Variants in ANKRD36C observed in about 807,000 individuals in gnomAD.
The protein encoded by ANKRD36C is ankyrin repeat domain 36C, also known as ankyrin repeat domain-containing protein 36C.
In ANKRD36C, 61 loss-of-function variants were observed where a neutral mutation model predicts 276.4. The ratio of observed to expected loss-of-function variants is 0.22; its 90% confidence interval spans 0.18 to 0.27. ANKRD36C has a LOEUF of 0.27. ANKRD36C is among the 10% of genes least tolerant of loss of function. The probability of loss-of-function intolerance (pLI) is 1.00; values close to 1 mark genes in which losing one functional copy is unlikely to be tolerated. For missense variants in ANKRD36C, 1,447 were observed against 2,032.3 expected (o/e 0.71, Z 5.54); for synonymous variants, 483 against 680.1 (o/e 0.71, Z 4.51).
At chr2:95,960,187 A>G (rs933014456) in intron 10 of ANKRD36C, among the ~76,000 whole-genome samples, 1 of 152,050 alleles carries the variant, frequency 6.6e-6, no homozygotes, top group Non-Finnish European at 1.5e-5. Context: ...ATGCTGTAGA[A>G]TTAAAGCAAA....
intron 60 of ANKRD36C, among the ~76,000 whole-genome samples, chr2:95,864,930 T>C (rs1192784555): frequency 1.3e-5 from 2 of 152,068 alleles, no homozygotes; most frequent in Non-Finnish European, 2.9e-5. Flanking sequence ...TTTAACAAGA[T>C]TGAAGGATAC....
intron 42 of ANKRD36C, among the ~76,000 whole-genome samples, chr2:95,902,168 T>C (rs1287445825): frequency 6.7e-6 from 1 of 149,968 alleles, no homozygotes; most frequent in Middle Eastern, 3.4e-3. Context: ...TTCAAGATTA[T>C]CTCATTTTTA....
intron 14 of ANKRD36C, among the ~76,000 whole-genome samples, 152 bp from the exon 15 acceptor site, chr2:95,951,560 T>G (rs1678198159): frequency 6.6e-6 from 1 of 152,292 alleles, no homozygotes; most frequent in South Asian, 2.1e-4. Flanking sequence ...TTTACTAATC[T>G]ACAGATTCAC....
intron 1 of ANKRD36C, among the ~76,000 whole-genome samples, chr2:95,988,909 T>C (rs1211771085): frequency 1.3e-5 from 2 of 152,130 alleles, no homozygotes; most frequent in African/African-American, 4.8e-5. Flanking sequence ...GGCTCACACC[T>C]GTAATCCCAG....
At chr2:95,872,718 G>T (rs1449790442) in intron 59 of ANKRD36C, among the ~76,000 whole-genome samples, 1 of 151,960 alleles carries the variant, frequency 6.6e-6, no homozygotes, top group East Asian at 1.9e-4. Flanking sequence ...AAAAATTAAT[G>T]AATCCAGGAG....
intron 28 of ANKRD36C, among the ~76,000 whole-genome samples, 189 bp downstream of exon 28, chr2:95,927,025 G>A (rs1677421863): frequency 6.6e-6 from 1 of 151,514 alleles, no homozygotes; most frequent in Admixed American, 6.6e-5. Flanking sequence ...ATGTGGGGAA[G>A]TCTATAATCT....
intron 34 of ANKRD36C, among the ~76,000 whole-genome samples, 180 bp from the exon 35 acceptor site, chr2:95,920,100 A>T (rs1405727844): frequency 2.3e-5 from 3 of 132,272 alleles, no homozygotes; most frequent in African/African-American, 7.9e-5. Context: ...GAGGGAATAC[A>T]GGCTCCATCA....
At chr2:95,930,732 C>CT (rs909599903) in intron 24 of ANKRD36C, among the ~76,000 whole-genome samples, 1 of 150,692 alleles carries the variant, frequency 6.6e-6, no homozygotes, top group African/African-American at 2.4e-5. Context: ...TCTTTGATTC[C>CT]TTTTTTTTAA....
chr2:95,930,935 C>A (rs1677550744), intron 24 of ANKRD36C, among the ~76,000 whole-genome samples: 1 of 151,570 alleles, frequency 6.6e-6, no homozygotes, highest in African/African-American at 2.4e-5. Context: ...CTTCTAACTT[C>A]TGCTTCTGCT....
chr2:95,878,278 T>G (rs1299290870), intron 58 of ANKRD36C, among the ~76,000 whole-genome samples: 1 of 152,110 alleles, frequency 6.6e-6, no homozygotes, highest in Admixed American at 6.5e-5. Flanking sequence ...TAATAACATT[T>G]TATACTTCAA....
intron 12 of ANKRD36C, among the ~76,000 whole-genome samples, chr2:95,957,074 G>A (rs1436448121): frequency 6.6e-6 from 1 of 151,978 alleles, no homozygotes; most frequent in Non-Finnish European, 1.5e-5. Flanking sequence ...CCAGCACTTT[G>A]TGAGGCTGAG....
chr2:95,981,810 T>C (rs1483447125), intron 4 of ANKRD36C, among the ~76,000 whole-genome samples: 1 of 152,102 alleles, frequency 6.6e-6, no homozygotes, highest in African/African-American at 2.4e-5. Flanking sequence ...GTTTTATCCA[T>C]TTAAAGCTAT....
chr2:95,875,269 T>C (rs1371071162), intron 59 of ANKRD36C, among the ~76,000 whole-genome samples: 2 of 151,890 alleles, frequency 1.3e-5, no homozygotes, highest in Non-Finnish European at 2.9e-5. Flanking sequence ...AGCAAAGACT[T>C]GGAACCAACC....
At chr2:95,888,869 A>G (rs1676266597) in intron 48 of ANKRD36C, among the ~76,000 whole-genome samples, 1 of 151,674 alleles carries the variant, frequency 6.6e-6, no homozygotes, top group Non-Finnish European at 1.5e-5. Context: ...AGCATTAGAT[A>G]TTAATAAGTT....
chr2:95,974,188 C>A (rs1678757923), intron 6 of ANKRD36C, among the ~76,000 whole-genome samples: 1 of 152,232 alleles, frequency 6.6e-6, no homozygotes, highest in South Asian at 2.1e-4. Context: ...TACATTAAAA[C>A]TATGTCAAGT....
chr2:95,946,178 A>AAAAAC (rs1678044494), intron 17 of ANKRD36C, among the ~76,000 whole-genome samples: 1 of 132,152 alleles, frequency 7.6e-6, no homozygotes, highest in Admixed American at 7.5e-5. Flanking sequence ...AAAAAAAAAA[A>AAAAAC]CAATAAAATT....
chr2:95,855,568 T>A (rs1427037683), exon 63 of ANKRD36C: 5 of 1,611,038 alleles, frequency 3.1e-6, no homozygotes, highest in Non-Finnish European at 4.2e-6. Flanking sequence ...CTTTTGTACA[T>A]TTTTTCAATG....
chr2:95,987,021 A>T, intron 2 of ANKRD36C, 71 bp downstream of exon 2: 1 of 1,500,798 alleles, frequency 6.7e-7, no homozygotes, highest in Admixed American at 2.1e-5. Flanking sequence ...TTCCAATGAG[A>T]TAAATTCATT....
chr2:95,961,452 C>T (rs1314196510), intron 8 of ANKRD36C, among the ~76,000 whole-genome samples: 1 of 151,982 alleles, frequency 6.6e-6, no homozygotes, highest in Non-Finnish European at 1.5e-5. Flanking sequence ...TTGGAAAATG[C>T]TCTCATATTC....
Sources: allele counts gnomAD v4.1 joint callset (sites outside exome capture counted in the v4.1 genomes callset), GRCh38; gene constraint gnomAD v4.1.1; transcripts MANE v1.5; gene names NCBI Gene and HGNC (gene_info 2026-07-23, HGNC 2026-07-21).